The following INTS5 variants were observed in gnomAD, a reference collection of about 807,000 sequenced individuals.
INTS5 encodes KIAA1698.
In INTS5, 29 loss-of-function variants were observed where a neutral mutation model predicts 60.0. That is an observed-to-expected ratio of 0.48 (90% CI 0.36 to 0.66). The LOEUF (loss-of-function observed/expected upper bound fraction) is 0.66. Ranked by LOEUF, INTS5 falls within the 30% of genes least tolerant of loss-of-function variation. The pLI is 0.00. For missense variants in INTS5, 1,129 were observed against 1,307.9 expected, an observed-to-expected ratio of 0.86 and a Z score of 2.11; for synonymous variants, 588 against 558.8, an observed-to-expected ratio of 1.05 and a Z score of -0.74.
chr11:62,648,580 G>C lies in INTS5; in HGVS notation c.1500C>G (p.His500Gln). ...RLERKRFLWQHQLLGLLSVYT... is the reference protein window; with the variant it reads ...RLERKRFLWQQQLLGLLSVYT... ...AGACAGACAGCAGGCCCAAGAGCTG[G>C]TGCTGCCAGAGGAAGCGCTTCCGTT... is the stretch of plus-strand genomic sequence containing the variant. Residue 500 changes from histidine (H) to glutamine (Q), a missense_variant, in exon 2 of 2, where the codon CAC becomes CAG. Around this residue, in one of 3 missense-constraint regions of INTS5, gnomAD observed 1,070 missense variants for 1,246.1 expected, o/e 0.86. Coordinates refer to ENST00000330574, the MANE Select transcript of INTS5 (RefSeq NM_030628.2). This position sits in a 1 kb window ranked among gnomAD's most constrained non-coding sequence, Gnocchi z 4.4. 6.2e-7 allele frequency: 1 copy of C among 1,614,126 alleles called. No homozygotes were observed. Among genetic ancestry groups the C allele is most frequent in the Non-Finnish European group, 8.5e-7 (1 of 1,180,028 alleles).
Position 62,649,042 on chromosome 11 carries a change from G to A in INTS5, c.1038C>T (p.Val346=), listed in dbSNP as rs141259749. The A allele has an allele frequency of 7.4e-6, 12 of 1,612,216 alleles. No homozygotes were observed. Among genetic ancestry groups the A allele is most frequent in the Admixed American group, 3.3e-5 (2 of 59,960 alleles). ...CAGTGCCCAGCAAAGCTGGTGACAT[G>A]ACTGCCAGCTGCAGTAGGAACGGAA... is the stretch of plus-strand genomic sequence containing the variant. ...ATVPFLLQLA[V]MSPALLGTVS... is the part of the protein sequence containing the mutation. The change falls in exon 2 of 2, where the codon GTC becomes GTT. Residue 346 remains valine (V), a synonymous_variant. Transcript: ENST00000330574. The surrounding 1 kb of genome is among the most constrained non-coding windows in gnomAD (Gnocchi z 6.0).
chr11:62,648,932 T>C lies in INTS5; in HGVS notation c.1148A>G (p.Glu383Gly). Residue 383 changes from glutamate (E) to glycine (G), a missense_variant, in exon 2 of 2, where the codon GAG becomes GGG. Glu to Gly is a moderately conservative substitution (Grantham distance 98, BLOSUM62 -2). Transcript: ENST00000330574. The surrounding 1 kb of genome is among the most constrained non-coding windows in gnomAD (Gnocchi z 4.4). ...QQHLQGFPRE[E>G]LDNMLNLAVH... ...AGCCAGGTTCAACATGTTGTCCAGC[T>C]CCTCTCGGGGGAATCCTTGAAGGTG... 6.2e-7 allele frequency: 1 copy of C among 1,612,066 alleles called. No homozygotes were observed. The highest frequency in any genetic ancestry group is 8.5e-7 in the Non-Finnish European group (1 of 1,179,008).
In INTS5 at chr11:62,647,057, G is replaced by A. The variant is rs1436299619; in HGVS notation, c.3023C>T (p.Ala1008Val). 17 of 1,613,564 alleles carry A rather than the reference G, an allele frequency of 1.1e-5. No individual in the cohort carries two copies. Among genetic ancestry groups the A allele is most frequent in the Non-Finnish European group, 1.4e-5 (16 of 1,179,642 alleles). ...TCGAAGGAGAGTGGACGGTGAAGGT[G>A]CCTGGAAACGGCCAGAGAAAAGACC... is the stretch of plus-strand genomic sequence containing the variant. ...RLGLFSGRFQAPSPSTLLRQG... is the reference protein window; with the variant it reads ...RLGLFSGRFQVPSPSTLLRQG... The change falls in exon 2 of 2, where the codon GCA (alanine) becomes GTA (valine). Residue 1008 changes from alanine to valine, a missense_variant. Physicochemically the swap from Ala to Val is moderately conservative, Grantham distance 64. This residue lies in a region of INTS5 where 1,070 missense variants were observed against 1,246.1 expected (regional missense o/e 0.86). Coordinates refer to ENST00000330574, the MANE Select transcript of INTS5 (RefSeq NM_030628.2).
chr11:62,653,056 G>C lies in INTS5; in HGVS notation c.80+114C>G, dbSNP rs143494090. ...CTGAGTTCTGGGAGGACCTGACCAA[G>C]AATCTGAGAACCCTGACGTGAGTTC... On this transcript the variant is annotated intron_variant, in intron 1 of 1. Coordinates refer to ENST00000330574, the MANE Select transcript of INTS5 (RefSeq NM_030628.2). 13 of 656,100 alleles carry C rather than the reference G, an allele frequency of 2.0e-5. No homozygotes were observed. The Admixed American group carries it at 5.7e-4, about 29-fold the overall frequency. The allele number at this position is 656,100 out of a possible 1,614,324, so 40.6% of individuals were successfully genotyped here.
At position 62,648,126 on chromosome 11, in the gene INTS5, C is replaced by T. The variant is rs145082274; in HGVS notation, c.1954G>A (p.Val652Met). 1.7e-5 allele frequency: 27 copies of T among 1,613,750 alleles called. No individual in the cohort carries two copies. Among genetic ancestry groups the T allele is most frequent in the Non-Finnish European group, 2.2e-5 (26 of 1,179,808 alleles). ...CTCAGAGAGGCAAAGAAGCGGTGCA[C>T]CCCAGCCCTTACCAGTCCCAGGAGC... ...SQLLGLVRAGVHRFFASLRLH... is the reference protein window; with the variant it reads ...SQLLGLVRAGMHRFFASLRLH... Residue 652 changes from valine (V) to methionine (M), a missense_variant, in exon 2 of 2, where the codon GTG becomes ATG. This residue lies in a region of INTS5 where 1,070 missense variants were observed against 1,246.1 expected (regional missense o/e 0.86). Coordinates refer to ENST00000330574, the MANE Select transcript of INTS5 (RefSeq NM_030628.2). The surrounding 1 kb of genome is among the most constrained non-coding windows in gnomAD (Gnocchi z 4.4).
rs1383273552 is a variant in INTS5, at chr11:62,648,255, C to G, written c.1825G>C (p.Asp609His). The G allele has an allele frequency of 3.1e-6, 5 of 1,613,714 alleles. No homozygotes were observed. The African/African-American group carries it at 4.0e-5, about 13-fold the overall frequency. The change falls in exon 2 of 2, where the codon GAC becomes CAC. Residue 609 changes from aspartate to histidine, a missense_variant. By Grantham distance (81) the Asp-to-His change is moderately conservative. This residue lies in a region of INTS5 where 1,070 missense variants were observed against 1,246.1 expected (regional missense o/e 0.86). Transcript: ENST00000330574. The surrounding 1 kb of genome is among the most constrained non-coding windows in gnomAD (Gnocchi z 4.4). ...GGATGTAGCAGGAGAGGAGCCAGGTCAGACAGATGGGCTGAGGCAGATTCC... is the reference window on the plus strand; with the variant it reads ...GGATGTAGCAGGAGAGGAGCCAGGTGAGACAGATGGGCTGAGGCAGATTCC... ...FGESASAHLS[D>H]LAPLLLHPEE...
In INTS5 at chr11:62,649,265, G is replaced by A. The variant is rs1198952836; in HGVS notation, c.815C>T (p.Ser272Phe). The stretch of plus-strand genomic sequence containing the variant: ...AGGAGATCCAGGGAAGGGGTCTGTA[G>A]AGGGGGTCTGAGAAGAGCTTCCACC... ...SSGGSSSQTP[S>F]TDPFPGSPAI... The change falls in exon 2 of 2, where the codon TCT becomes TTT. Residue 272 changes from serine (S) to phenylalanine (F), a missense_variant. Ser to Phe is a radical substitution (Grantham distance 155). Transcript: ENST00000330574. This position sits in a 1 kb window ranked among gnomAD's most constrained non-coding sequence, Gnocchi z 6.0. 15 of 1,614,018 alleles carry A rather than the reference G, an allele frequency of 9.3e-6. No individual in the cohort carries two copies. Among genetic ancestry groups the A allele is most frequent in the Non-Finnish European group, 9.3e-6 (11 of 1,180,022 alleles).
rs147346127 is a variant in INTS5 at position 62,649,823 on chromosome 11, C to G, written c.257G>C (p.Arg86Pro). ...HLRGVFDESVRAHLAALDETP... is the reference protein window; with the variant it reads ...HLRGVFDESVPAHLAALDETP... ...TTCATCCAGGGCAGCCAGGTGGGCCCGGACACTCTCATCAAAGACACCTCT... is the reference window on the plus strand; with the variant it reads ...TTCATCCAGGGCAGCCAGGTGGGCCGGGACACTCTCATCAAAGACACCTCT... The change falls in exon 2 of 2, where the codon CGG (arginine) becomes CCG (proline). Residue 86 changes from arginine (R) to proline (P), a missense_variant. By Grantham distance (103) the Arg-to-Pro change is moderately radical (BLOSUM62 -2). Transcript: ENST00000330574. The surrounding 1 kb of genome is among the most constrained non-coding windows in gnomAD (Gnocchi z 6.0). 1.2e-6 allele frequency: 2 copies of G among 1,614,084 alleles called. No individual in the cohort carries two copies. The highest frequency in any genetic ancestry group is 1.7e-6 in the Non-Finnish European group (2 of 1,179,972).
Position 62,647,347 on chromosome 11 carries a change from C to T in INTS5, c.2733G>A (p.Val911=), listed in dbSNP as rs780880285. The T allele has an allele frequency of 1.2e-5, 19 of 1,613,966 alleles. No homozygotes were observed. The South Asian group carries it at 2.0e-4, about 17-fold the overall frequency. Residue 911 remains valine (V), a synonymous_variant, in exon 2 of 2, where the codon GTG becomes GTA. Coordinates refer to ENST00000330574, the MANE Select transcript of INTS5 (RefSeq NM_030628.2). The stretch of plus-strand genomic sequence containing the variant: ...GGAGGCTTCCCTCAGCCATGACAGC[C>T]ACTAAGGTGCAGGATGCCTCCAGGT... The part of the protein sequence containing the change: ...PWHLEASCTL[V]AVMAEGSLLP...
At chr11:62,652,332 A>C (rs921063482) in intron 1 of INTS5, among the ~76,000 whole-genome samples, 1 of 151,906 alleles carries the variant, frequency 6.6e-6, no homozygotes, top group African/African-American at 2.4e-5. Context: ...AAAAACAAAA[A>C]AAAACACACC....
chr11:62,651,630 G>T (rs1012047546), intron 1 of INTS5, among the ~76,000 whole-genome samples: 1 of 152,140 alleles, frequency 6.6e-6, no homozygotes, highest in African/African-American at 2.4e-5. Context: ...GGCCAAGGCT[G>T]GTGGATCGCT....
In INTS5 at chr11:62,648,457, C is replaced by A; in HGVS notation, c.1623G>T (p.Gly541=). 1 of 1,614,174 alleles carries A rather than the reference C, an allele frequency of 6.2e-7. No individual in the cohort carries two copies. Among genetic ancestry groups the A allele is most frequent in the African/African-American group, 1.3e-5 (1 of 75,072 alleles). ...ELSLATQLYA[G]LVVSLSGLLP... ...GGAGGCCAGAGAGGCTGACCACTAGCCCTGCATATAACTGGGTGGCCAAAC... is the reference window on the plus strand; with the variant it reads ...GGAGGCCAGAGAGGCTGACCACTAGACCTGCATATAACTGGGTGGCCAAAC... Residue 541 remains glycine (G), a synonymous_variant, in exon 2 of 2, where the codon GGG becomes GGT. Coordinates refer to ENST00000330574, the MANE Select transcript of INTS5 (RefSeq NM_030628.2). The surrounding 1 kb of genome is among the most constrained non-coding windows in gnomAD (Gnocchi z 4.4).
Position 62,648,756 on chromosome 11 carries a change from G to A in INTS5, c.1324C>T (p.Leu442=), listed in dbSNP as rs140531077. 348 of 1,614,200 alleles carry A rather than the reference G, an allele frequency of 2.2e-4. 1 individual carries two copies. The African/African-American group carries it at 3.6e-3, about 17-fold the overall frequency. ...ACCAGTTTTTGCAGGTGCAGCAGCA[G>A]CAGCTGGATTAGCCGGTCACAAGCC... ...REACDRLIQL[L]LLHLQKLVHH... Residue 442 remains leucine, a synonymous_variant, in exon 2 of 2, where the codon CTG becomes TTG. Coordinates refer to ENST00000330574, the MANE Select transcript of INTS5 (RefSeq NM_030628.2). The surrounding 1 kb of genome is among the most constrained non-coding windows in gnomAD (Gnocchi z 4.4).
Position 62,646,953 on chromosome 11 carries a change from C to A in INTS5, c.*67G>T. On this transcript the variant is annotated 3_prime_UTR_variant, in exon 2 of 2. Transcript: ENST00000330574. ...ACTTAGAAGAGAAACCTCCACCCTT[C>A]CGGAGCACGTTAGTCCCTTCCCTCT... is the stretch of plus-strand genomic sequence containing the variant. 1 of 1,301,216 alleles carries A rather than the reference C, an allele frequency of 7.7e-7. No homozygotes were observed. Among genetic ancestry groups the A allele is most frequent in the South Asian group, 1.3e-5 (1 of 74,156 alleles). The allele number at this position is 1,301,216 out of a possible 1,614,324, so 80.6% of individuals were successfully genotyped here.
chr11:62,647,181 C>T lies in INTS5; in HGVS notation c.2899G>A (p.Gly967Ser). 6.2e-7 allele frequency: 1 copy of T among 1,614,208 alleles called. No homozygotes were observed. Among genetic ancestry groups the T allele is most frequent in the Non-Finnish European group, 8.5e-7 (1 of 1,180,042 alleles). ...PQKFIFQSERGRFIRDFSREG... is the reference protein window; with the variant it reads ...PQKFIFQSERSRFIRDFSREG... Reference sequence around the variant, plus strand: ...CTGGAGAAGTCCCGAATGAAGCGACCCCGCTCTGATTGGAAGATGAACTTC... The same window carrying T: ...CTGGAGAAGTCCCGAATGAAGCGACTCCGCTCTGATTGGAAGATGAACTTC... The change falls in exon 2 of 2, where the codon GGT (glycine) becomes AGT (serine). Residue 967 changes from glycine (G) to serine (S), a missense_variant. Transcript: ENST00000330574.
chr11:62,648,723 G>C lies in INTS5; in HGVS notation c.1357C>G (p.Arg453Gly). The C allele has an allele frequency of 6.2e-7, 1 of 1,614,148 alleles. No homozygotes were observed. Among genetic ancestry groups the C allele is most frequent in the Admixed American group, 1.7e-5 (1 of 60,034 alleles). ...LLHLQKLVHHRGGSPGEGVLG... is the reference protein window; with the variant it reads ...LLHLQKLVHHGGGSPGEGVLG... ...ACCCCTTCCCCAGGAGACCCTCCCC[G>C]GTGATGAACCAGTTTTTGCAGGTGC... The change falls in exon 2 of 2, where the codon CGG (arginine) becomes GGG (glycine). Residue 453 changes from arginine to glycine, a missense_variant. Arg to Gly is a moderately radical substitution (Grantham distance 125). This residue lies in a region of INTS5 where 1,070 missense variants were observed against 1,246.1 expected (regional missense o/e 0.86). Transcript: ENST00000330574. The surrounding 1 kb of genome is among the most constrained non-coding windows in gnomAD (Gnocchi z 4.4).
Position 62,648,989 on chromosome 11 carries a change from T to G in INTS5, c.1091A>C (p.Lys364Thr), listed in dbSNP as rs761353889. ...TVSGELVDCL[K>T]PPAVLSQLQQ... Reference sequence around the variant, plus strand: ...CAGCTGGCTCAGCACAGCTGGGGGCTTGAGGCAATCCACAAGCTCTCCAGA... The same window carrying G: ...CAGCTGGCTCAGCACAGCTGGGGGCGTGAGGCAATCCACAAGCTCTCCAGA... The change falls in exon 2 of 2, where the codon AAG becomes ACG. Residue 364 changes from lysine to threonine, a missense_variant. This residue lies in a region of INTS5 where 1,070 missense variants were observed against 1,246.1 expected (regional missense o/e 0.86). Transcript: ENST00000330574. This position sits in a 1 kb window ranked among gnomAD's most constrained non-coding sequence, Gnocchi z 4.4. 1.2e-6 allele frequency: 2 copies of G among 1,613,354 alleles called. No homozygotes were observed.
At chr11:62,652,886 G>C (rs1370847376) in intron 1 of INTS5, among the ~76,000 whole-genome samples, 1 of 152,226 alleles carries the variant, frequency 6.6e-6, no homozygotes, top group Non-Finnish European at 1.5e-5. Context: ...GGCCAGGGCA[G>C]CTGGGTTCCC....
Position 62,648,451 on chromosome 11 carries a change from C to T in INTS5, c.1629G>A (p.Val543=). 4 of 1,614,176 alleles carry T rather than the reference C, an allele frequency of 2.5e-6. No individual in the cohort carries two copies. The highest frequency in any genetic ancestry group is 3.4e-6 in the Non-Finnish European group (4 of 1,180,034). Residue 543 remains valine, a synonymous_variant, in exon 2 of 2, where the codon GTG becomes GTA. Transcript: ENST00000330574. The surrounding 1 kb of genome is among the most constrained non-coding windows in gnomAD (Gnocchi z 4.4). ...SLATQLYAGL[V]VSLSGLLPLA... is the part of the protein sequence containing the mutation. ...GGGGCAGGAGGCCAGAGAGGCTGAC[C>T]ACTAGCCCTGCATATAACTGGGTGG...
Sources: allele counts gnomAD v4.1 joint callset (sites outside exome capture counted in the v4.1 genomes callset), GRCh38; gene constraint gnomAD v4.1.1; regional missense constraint gnomAD v4.1.1; non-coding constraint Gnocchi (gnomAD v3.1); transcripts MANE v1.5; gene names NCBI Gene and HGNC (gene_info 2026-07-23, HGNC 2026-07-21).